The following ATP10B variants were observed in gnomAD, a reference collection of about 807,000 sequenced individuals.
ATP10B encodes the protein phospholipid-transporting ATPase VB.
Under a neutral mutation model 141.2 loss-of-function variants are expected in ATP10B, and 122 were observed. The observed-to-expected ratio is 0.86, with a 90% CI of 0.75 to 1.00. The LOEUF (loss-of-function observed/expected upper bound fraction) is 1.00. Ranked by LOEUF, ATP10B falls within the 50% of genes least tolerant of loss-of-function variation. The pLI is 0.00. For missense variants in ATP10B, 1,876 were observed against 1,825.3 expected (o/e 1.03, Z -0.51); for synonymous variants, 685 against 692.0 (o/e 0.99, Z 0.16).
intron 20 of ATP10B, chr5:160,602,956 T>C (rs1467007361): frequency 8.0e-6 from 3 of 373,416 alleles, no homozygotes; most frequent in African/African-American, 6.2e-5. Context: ...CATCCGTTTA[T>C]CCAGCAAGCA....
At chr5:160,671,774 C>T (rs1762718802) in intron 6 of ATP10B, among the ~76,000 whole-genome samples, 1 of 151,960 alleles carries the variant, frequency 6.6e-6, no homozygotes, top group African/African-American at 2.4e-5. Context: ...TATTATCATA[C>T]CCATTTCACA....
intron 2 of ATP10B, among the ~76,000 whole-genome samples, chr5:160,720,702 C>A (rs1459973455): frequency 6.6e-6 from 1 of 152,192 alleles, no homozygotes; most frequent in Non-Finnish European, 1.5e-5. Context: ...GAGTTTATAG[C>A]CCTCTCTTCC....
Position 160,602,620 on chromosome 5 carries a change from G to A in ATP10B, c.3320C>T (p.Ser1107Leu), listed in dbSNP as rs1453391337. The change falls in exon 21 of 26, where the codon TCG becomes TTG. Residue 1107 changes from serine to leucine, a missense_variant. Physicochemically the swap from Ser to Leu is moderately radical, Grantham distance 145. Coordinates refer to ENST00000327245, the MANE Select transcript of ATP10B (RefSeq NM_025153.3). Reference sequence around the variant, plus strand: ...GTACACCACCATCCTGGCCAGGCGCGAGTAACACCAGTGGCCATGCACGAG... The same window carrying A: ...GTACACCACCATCCTGGCCAGGCGCAAGTAACACCAGTGGCCATGCACGAG... ...LLLVHGHWCY[S>L]RLARMVVYYL... 3.7e-6 allele frequency: 6 copies of A among 1,614,058 alleles called. No homozygotes were observed. The highest frequency in any genetic ancestry group is 3.4e-6 in the Non-Finnish European group (4 of 1,179,938).
At chr5:160,729,448 T>C (rs1039014770) in intron 2 of ATP10B, among the ~76,000 whole-genome samples, 1 of 152,204 alleles carries the variant, frequency 6.6e-6, no homozygotes, top group Admixed American at 6.5e-5. Flanking sequence ...AAGATGATTA[T>C]GACAGATGCC....
At chr5:160,616,613 A>G (rs2127643401) in intron 16 of ATP10B, among the ~76,000 whole-genome samples, 1 of 152,336 alleles carries the variant, frequency 6.6e-6, no homozygotes. Flanking sequence ...TAGTGGCCAC[A>G]TCTTCTTCCC....
intron 21 of ATP10B, among the ~76,000 whole-genome samples, chr5:160,601,073 A>G (rs546268402): frequency 1.3e-5 from 2 of 152,288 alleles, no homozygotes; most frequent in East Asian, 3.9e-4. Context: ...ATTAAACAGG[A>G]GCATTTTGGA....
In ATP10B at chr5:160,752,729, C is replaced by T. The variant is rs79661613; in HGVS notation, c.-331+32830G>A. ...AAAGCACAAACCAGTGAAGTCAACG[C>T]GGGGATGTGGGCTTTTCATGAGATA... On this transcript the variant is annotated intron_variant, in intron 2 of 25. Coordinates refer to ENST00000327245, the MANE Select transcript of ATP10B (RefSeq NM_025153.3). Among the ~76,000 whole-genome samples the T allele has an allele frequency of 8.0e-3, 1,211 of 152,166 alleles. 86 individuals are homozygous for T. The East Asian group carries it at 0.17, about 22-fold the overall frequency.
chr5:160,897,632 T>A, the ATP10B span, among the ~76,000 whole-genome samples: 3 of 152,212 alleles, frequency 2.0e-5, no homozygotes, highest in Non-Finnish European at 2.9e-5. Context: ...GTTTATAGAT[T>A]CAATGCTATT....
intron 1 of ATP10B, among the ~76,000 whole-genome samples, chr5:160,801,616 T>A (rs1772372475): frequency 2.0e-5 from 3 of 152,206 alleles, no homozygotes; most frequent in Admixed American, 2.0e-4. Context: ...ATTAAATGCA[T>A]GACTACTTTG....
intron 3 of ATP10B, among the ~76,000 whole-genome samples, chr5:160,697,306 T>C (rs1336775960): frequency 6.6e-6 from 1 of 152,168 alleles, no homozygotes; most frequent in African/African-American, 2.4e-5. Flanking sequence ...GGGAAAGGAA[T>C]AGTCTTAGCG....
At chr5:160,610,923 C>A (rs1381955930) in intron 18 of ATP10B, among the ~76,000 whole-genome samples, 1 of 152,198 alleles carries the variant, frequency 6.6e-6, no homozygotes, top group East Asian at 1.9e-4. Flanking sequence ...CTTTAATACA[C>A]CTAGCAAAGA....
chr5:160,630,376 C>A (rs566291793), intron 13 of ATP10B, among the ~76,000 whole-genome samples: 1 of 152,168 alleles, frequency 6.6e-6, no homozygotes, highest in African/African-American at 2.4e-5. Flanking sequence ...ACCAGGGATG[C>A]AGTTTTTCTG....
At chr5:160,760,672 A>T (rs1056073357) in intron 2 of ATP10B, among the ~76,000 whole-genome samples, 2 of 152,186 alleles carry the variant, frequency 1.3e-5, no homozygotes, top group Non-Finnish European at 2.9e-5. Flanking sequence ...ACTTGGTGCT[A>T]TTGGTGGAAC....
intron 2 of ATP10B, among the ~76,000 whole-genome samples, chr5:160,745,221 G>A (rs1767726953): frequency 6.6e-6 from 1 of 152,090 alleles, no homozygotes; most frequent in Non-Finnish European, 1.5e-5. Flanking sequence ...ATTCTATGTA[G>A]GATTTCACTT....
chr5:160,928,545 C>T, the ATP10B span, among the ~76,000 whole-genome samples: 1 of 152,122 alleles, frequency 6.6e-6, no homozygotes, highest in East Asian at 1.9e-4. Flanking sequence ...CTCATTGGCT[C>T]AGTTAACTTC....
intron 6 of ATP10B, among the ~76,000 whole-genome samples, chr5:160,679,565 T>A (rs1042426588): frequency 6.6e-6 from 1 of 152,254 alleles, no homozygotes; most frequent in Non-Finnish European, 1.5e-5. Flanking sequence ...GGTCACCACA[T>A]CCTCTGCACT....
chr5:160,911,681 A>C, the ATP10B span, among the ~76,000 whole-genome samples: 1 of 152,230 alleles, frequency 6.6e-6, no homozygotes, highest in Non-Finnish European at 1.5e-5. Context: ...ATTTCCTACA[A>C]AAGGACTTAT....
intron 1 of ATP10B, among the ~76,000 whole-genome samples, chr5:160,795,138 G>C (rs779117928): frequency 6.6e-6 from 1 of 152,074 alleles, no homozygotes; most frequent in Non-Finnish European, 1.5e-5. Flanking sequence ...TGGTACATAA[G>C]CTATTTCATT....
intron 2 of ATP10B, among the ~76,000 whole-genome samples, chr5:160,744,508 A>T (rs1767677575): frequency 6.6e-6 from 1 of 152,134 alleles, no homozygotes; most frequent in Non-Finnish European, 1.5e-5. Flanking sequence ...CGGGCCCCAG[A>T]TTCCCATCTC....
Sources: gnomAD v4.1 joint callset for allele counts (sites outside exome capture counted in the v4.1 genomes callset) on GRCh38, gnomAD v4.1.1 for gene constraint, MANE v1.5 for transcripts, NCBI Gene and HGNC (gene_info 2026-07-23, HGNC 2026-07-21) for gene names.